STK32B: variants seen among roughly 807,000 people sequenced by gnomAD.
STK32B encodes the protein serine/threonine-protein kinase 32B.
In STK32B, 43 loss-of-function variants were observed where a neutral mutation model predicts 52.6. That is an observed-to-expected ratio of 0.82 (90% CI 0.64 to 1.05). The LOEUF (loss-of-function observed/expected upper bound fraction) is 1.05, where lower values mean the gene tolerates loss of function less well. Among genes scored for constraint, STK32B ranks in the 50% least tolerant of loss-of-function variants. The pLI is 0.00. For missense variants in STK32B, 621 were observed against 534.6 expected, an observed-to-expected ratio of 1.16 and a Z score of -1.59; for synonymous variants, 238 against 204.3, an observed-to-expected ratio of 1.17 and a Z score of -1.41.
intron 4 of STK32B, among the ~76,000 whole-genome samples, chr4:5,342,915 C>G (rs1289222072): frequency 6.6e-6 from 1 of 152,144 alleles, no homozygotes; most frequent in Admixed American, 6.5e-5. Context: ...ATATTGATAT[C>G]CTGAACTGCT....
At chr4:5,463,245 G>T (rs1236434013) in intron 9 of STK32B, among the ~76,000 whole-genome samples, 2 of 152,258 alleles carry the variant, frequency 1.3e-5, no homozygotes, top group Non-Finnish European at 2.9e-5. Context: ...TCTCGATGCA[G>T]TCCTGCACAT....
chr4:5,100,451 TCCTTC>T (rs1443345896), intron 1 of STK32B, among the ~76,000 whole-genome samples: 1 of 141,944 alleles, frequency 7.0e-6, no homozygotes, highest in Non-Finnish European at 1.5e-5. Flanking sequence ...CTTTCTTCCT[TCCTTC>T]CCTTCCTTCA....
chr4:5,046,646 AAAAC>A (rs750083359), upstream of STK32B, among the ~76,000 whole-genome samples: 5 of 152,258 alleles, frequency 3.3e-5, no homozygotes, highest in Admixed American at 1.3e-4. Context: ...TTACAAGAAT[AAAAC>A]AAACAACCAC....
the STK32B span, among the ~76,000 whole-genome samples, chr4:5,035,360 T>C: frequency 1.3e-5 from 2 of 152,214 alleles, no homozygotes; most frequent in Non-Finnish European, 2.9e-5. Flanking sequence ...GTTTGCAACA[T>C]GCTTAATTAT....
intron 1 of STK32B, among the ~76,000 whole-genome samples, chr4:5,120,877 AATTAT>A (rs1238047924): frequency 1.3e-5 from 2 of 151,466 alleles, no homozygotes; most frequent in East Asian, 1.9e-4. Flanking sequence ...TCATTTAAGA[AATTAT>A]ATTATAAAAT....
At chr4:5,183,789 A>G (rs560425196) in intron 3 of STK32B, among the ~76,000 whole-genome samples, 2 of 152,296 alleles carry the variant, frequency 1.3e-5, no homozygotes, top group Admixed American at 6.5e-5. Flanking sequence ...TTGCATTTTT[A>G]TGTCCTGGAA....
chr4:5,087,327 T>G (rs1365223956), intron 1 of STK32B, among the ~76,000 whole-genome samples: 2 of 151,808 alleles, frequency 1.3e-5, no homozygotes, highest in Non-Finnish European at 2.9e-5. Context: ...AAAAAGAAAT[T>G]ACTAATGGTA....
In STK32B at chr4:5,417,037, C is replaced by G. The variant is rs1443080871; in HGVS notation, c.562+103C>G. The G allele has an allele frequency of 2.9e-6, 3 of 1,032,306 alleles. No homozygotes were observed. The East Asian group carries it at 7.9e-5, about 27-fold the overall frequency. The allele number at this position is 1,032,306 out of a possible 1,614,324, so 63.9% of individuals were successfully genotyped here. A position where few individuals can be genotyped will look rare whatever the true frequency, so the allele number is the denominator to read the frequency against. ...GCCACTGCCCGCTGCCACATACCCT[C>G]CCATGCTCACATGAGGTTCCACAGT... On this transcript the variant is annotated intron_variant, in intron 6 of 11. Transcript: ENST00000282908.
intron 3 of STK32B, among the ~76,000 whole-genome samples, chr4:5,234,179 T>G (rs541027375): frequency 1.3e-4 from 20 of 152,348 alleles, no homozygotes; most frequent in Admixed American, 7.2e-4. Context: ...GGAAGCGTTG[T>G]GTAGTACAAG....
chr4:5,131,739 T>C (rs1185656096), intron 1 of STK32B, among the ~76,000 whole-genome samples: 2 of 152,224 alleles, frequency 1.3e-5, no homozygotes, highest in African/African-American at 2.4e-5. Context: ...TGTCACTTTA[T>C]TTATGGATCT....
intron 4 of STK32B, among the ~76,000 whole-genome samples, chr4:5,334,840 G>T (rs143503468): frequency 1.3e-5 from 2 of 152,064 alleles, no homozygotes; most frequent in Admixed American, 6.5e-5. Flanking sequence ...CTTGATCATG[G>T]TGGATAAGCT....
intron 3 of STK32B, among the ~76,000 whole-genome samples, chr4:5,239,670 G>C (rs533475525): frequency 6.6e-6 from 1 of 152,280 alleles, no homozygotes; most frequent in South Asian, 2.1e-4. Context: ...GCATGAGAGG[G>C]GTTGTGGAAA....
At chr4:5,040,928 T>C in the STK32B span, among the ~76,000 whole-genome samples, 2 of 152,202 alleles carry the variant, frequency 1.3e-5, no homozygotes, top group African/African-American at 2.4e-5. Flanking sequence ...TATTTGTGTA[T>C]GCATACACAG....
At position 5,205,425 on chromosome 4, in the gene STK32B, C is replaced by T. The variant is rs114014175; in HGVS notation, c.260+36975C>T. ...AAGGACCCTAACTAATACACCTCCC[C>T]TCCCTCATTCTCTCCAAAGACAAGG... is the stretch of plus-strand genomic sequence containing the variant. On this transcript the variant is annotated intron_variant, in intron 3 of 11. Coordinates refer to ENST00000282908, the MANE Select transcript of STK32B (RefSeq NM_018401.3). Among the ~76,000 whole-genome samples the T allele has an allele frequency of 7.3e-3, 1,108 of 152,304 alleles. 13 individuals carry two copies. Among genetic ancestry groups the T allele is most frequent in the African/African-American group, 0.025 (1,033 of 41,546 alleles).
At chr4:5,027,367 C>T in the STK32B span, among the ~76,000 whole-genome samples, 2 of 152,138 alleles carry the variant, frequency 1.3e-5, no homozygotes, top group African/African-American at 2.4e-5. Context: ...AAACAGCAGG[C>T]AGGAGGAGCT....
At chr4:5,361,323 G>C (rs904733698) in intron 4 of STK32B, among the ~76,000 whole-genome samples, 2 of 152,078 alleles carry the variant, frequency 1.3e-5, no homozygotes, top group African/African-American at 4.8e-5. Context: ...CAGTTCTTCT[G>C]GGTATATATT....
chr4:5,164,499 C>T (rs539746588), intron 2 of STK32B, among the ~76,000 whole-genome samples: 1 of 152,366 alleles, frequency 6.6e-6, no homozygotes, highest in Admixed American at 6.5e-5. Flanking sequence ...TCTTAGTCCG[C>T]CTGGGCTGCT....
intron 3 of STK32B, among the ~76,000 whole-genome samples, chr4:5,172,140 A>G (rs1188351481): frequency 3.3e-5 from 5 of 151,988 alleles, no homozygotes; most frequent in African/African-American, 1.2e-4. Context: ...AATGCTTGTG[A>G]TTTTTGTACA....
chr4:5,339,877 A>G (rs1229001430), intron 4 of STK32B, among the ~76,000 whole-genome samples: 2 of 152,092 alleles, frequency 1.3e-5, no homozygotes, highest in African/African-American at 4.8e-5. Flanking sequence ...CCTCATACTT[A>G]TTTCCTCTGT....
Sources: gnomAD v4.1 joint callset for allele counts (sites outside exome capture counted in the v4.1 genomes callset) on GRCh38, gnomAD v4.1.1 for gene constraint, MANE v1.5 for transcripts, NCBI Gene and HGNC (gene_info 2026-07-23, HGNC 2026-07-21) for gene names.